The following VPS13C variants were observed in gnomAD, a reference collection of about 807,000 sequenced individuals.
The protein encoded by VPS13C is intermembrane lipid transfer protein VPS13C.
A neutral mutation model predicts 456.8 loss-of-function variants in VPS13C; 358 were observed. The ratio of observed to expected loss-of-function variants is 0.78; its 90% CI spans 0.72 to 0.86. The LOEUF (loss-of-function observed/expected upper bound fraction) is 0.86. Ranked by LOEUF, VPS13C falls within the 40% of genes least tolerant of loss-of-function variation. VPS13C has a pLI of 0.00. For synonymous variants in VPS13C, 1,578 were observed against 1,486.7 expected (o/e 1.06, Z -1.41); for missense variants, 4,818 against 4,385.4 (o/e 1.10, Z -2.79).
chr15:61,871,998 G>A lies in VPS13C; in HGVS notation c.10615C>T (p.Pro3539Ser). The stretch of plus-strand genomic sequence containing the variant: ...AATATTTTCAACATACCTTCCACAG[G>A]TTTTGTTATTATTCCAGTCACTCCA... ...VGGVTGIITK[P>S]VEGAKKEGAA... Residue 3539 changes from proline to serine, a missense_variant, in exon 79 of 85, where the codon CCT (proline) becomes TCT (serine). Coordinates refer to ENST00000644861, the MANE Select transcript of VPS13C (RefSeq NM_020821.3). The A allele has an allele frequency of 1.2e-6, 2 of 1,612,052 alleles. No homozygotes were observed. The highest frequency in any genetic ancestry group is 2.2e-5 in the South Asian group (2 of 90,954).
chr15:61,920,018 C>A, intron 57 of VPS13C, 49 bp downstream of exon 57: 1 of 1,416,856 alleles, frequency 7.1e-7, no homozygotes, highest in South Asian at 1.9e-5. Context: ...AAAATAAGCC[C>A]ACACCAACAA....
At chr15:61,995,447 G>C (rs1230982135) in intron 16 of VPS13C, among the ~76,000 whole-genome samples, 2 of 152,100 alleles carry the variant, frequency 1.3e-5, no homozygotes, top group African/African-American at 2.4e-5. Context: ...CTTGCAACTA[G>C]TTTCTAAACA....
intron 81 of VPS13C, chr15:61,865,553 A>C (rs530821138): frequency 3.7e-5 from 32 of 871,194 alleles, no homozygotes; most frequent in Non-Finnish European, 4.4e-5. Context: ...TGTATGTGTA[A>C]ATATGTGTAT....
rs548952594 is a variant in VPS13C, at chr15:61,858,692, C to T, written c.10953-2283G>A. Among the ~76,000 whole-genome samples, 4 of 152,218 alleles carry T rather than the reference C, an allele frequency of 2.6e-5. No individual in the cohort carries two copies. The highest frequency in any genetic ancestry group is 2.1e-4 in the South Asian group (1 of 4,814). The stretch of plus-strand genomic sequence containing the variant: ...CCTAAGTTCATGGACTATAAATCTG[C>T]GTAAGAGACCAAGAAGTCAGAGATT... On this transcript the variant is annotated intron_variant, in intron 82 of 84. Transcript: ENST00000644861. This position sits in a 1 kb window ranked among gnomAD's most constrained non-coding sequence, Gnocchi z 4.4.
intron 68 of VPS13C, 75 bp downstream of exon 68, chr15:61,884,053 G>A (rs939651511): frequency 4.7e-5 from 63 of 1,343,846 alleles, no homozygotes; most frequent in Non-Finnish European, 5.9e-5. Flanking sequence ...CTTTACTTGG[G>A]CATTACAATT....
At position 62,010,505 on chromosome 15, in the gene VPS13C, T is replaced by C; in HGVS notation, c.978A>G (p.Ile326Met). ...KTPKLDCNIE[I>M]QNIAIELTKP... ...TGGTCAGTTCAATGGCAATATTTTGTATTTCTATGTTGCAATCCAGTTTGG... is the reference window on the plus strand; with the variant it reads ...TGGTCAGTTCAATGGCAATATTTTGCATTTCTATGTTGCAATCCAGTTTGG... The change falls in exon 13 of 85, where the codon ATA becomes ATG. Residue 326 changes from isoleucine (I) to methionine (M), a missense_variant. Ile to Met is a conservative substitution (Grantham distance 10, BLOSUM62 1). Around this residue, in one of 3 missense-constraint regions of VPS13C, gnomAD observed 4,552 missense variants for 4,130.6 expected, o/e 1.10. Transcript: ENST00000644861. 6.2e-7 allele frequency: 1 copy of C among 1,613,336 alleles called. No homozygotes were observed. The highest frequency in any genetic ancestry group is 8.5e-7 in the Non-Finnish European group (1 of 1,179,694).
rs2140323020 is a variant in VPS13C, at chr15:61,962,738, C to T, written c.3435+11G>A. ...TTAAAGAATATTAACTATCTGTTTACAATCACCTACTTTCTTATGAACTGT... is the reference window on the plus strand; with the variant it reads ...TTAAAGAATATTAACTATCTGTTTATAATCACCTACTTTCTTATGAACTGT... On this transcript the variant is annotated intron_variant, in intron 33 of 84. Coordinates refer to ENST00000644861, the MANE Select transcript of VPS13C (RefSeq NM_020821.3). 3 of 1,556,582 alleles carry T rather than the reference C, an allele frequency of 1.9e-6. No individual in the cohort carries two copies. Among genetic ancestry groups the T allele is most frequent in the East Asian group, 2.3e-5 (1 of 44,058 alleles).
At chr15:62,057,850 C>T (rs1420065301) in intron 1 of VPS13C, among the ~76,000 whole-genome samples, 2 of 152,130 alleles carry the variant, frequency 1.3e-5, no homozygotes, top group African/African-American at 4.8e-5. Context: ...CATGGTAAAA[C>T]CATTATCAGA....
chr15:61,934,669 T>A (rs1381658104), intron 48 of VPS13C, among the ~76,000 whole-genome samples: 1 of 152,184 alleles, frequency 6.6e-6, no homozygotes, highest in African/African-American at 2.4e-5. Flanking sequence ...CTCAGAACAG[T>A]CCAATACTTT....
At chr15:61,990,133 A>G (rs1186780485) in intron 18 of VPS13C, among the ~76,000 whole-genome samples, 1 of 152,202 alleles carries the variant, frequency 6.6e-6, no homozygotes, top group Non-Finnish European at 1.5e-5. Flanking sequence ...CAGAAAATAT[A>G]TATTTTATAA....
chr15:62,001,544 G>C lies in VPS13C; in HGVS notation c.1291-918C>G, dbSNP rs187085442. Among the ~76,000 whole-genome samples the C allele has an allele frequency of 9.5e-4, 145 of 151,924 alleles. No individual in the cohort carries two copies. In the Middle Eastern group the frequency reaches 0.01, roughly 11 times the overall value. ...TTTTTTTATTATTAGTATACTTTAA[G>C]TTTTAGGGTACATGTGCACAACGTG... On this transcript the variant is annotated intron_variant, in intron 15 of 84. Coordinates refer to ENST00000644861, the MANE Select transcript of VPS13C (RefSeq NM_020821.3).
rs565864399 is a variant in VPS13C, at chr15:61,999,465, G to C, written c.1353+1099C>G. ...GGGGGCTTGGCGTCCCTAACGTTCA[G>C]TTTGTTCAAGGGTCAACTGTATATG... On this transcript the variant is annotated intron_variant, in intron 16 of 84. Transcript: ENST00000644861. 6.6e-5 allele frequency among the ~76,000 whole-genome samples: 10 copies of C among 151,992 alleles called. No homozygotes were observed. In the South Asian group the frequency reaches 2.1e-3, roughly 32 times the overall value.
chr15:61,938,749 A>G (rs2044314011), intron 47 of VPS13C, among the ~76,000 whole-genome samples: 1 of 152,190 alleles, frequency 6.6e-6, no homozygotes, highest in South Asian at 2.1e-4. Context: ...ACAAGCTGCA[A>G]TATTTCCTTC....
At chr15:61,888,932 G>C (rs1209436571) in intron 67 of VPS13C, among the ~76,000 whole-genome samples, 3 of 152,094 alleles carry the variant, frequency 2.0e-5, no homozygotes, top group African/African-American at 7.2e-5. Flanking sequence ...CCACACTACT[G>C]CAAGATGTTA....
intron 15 of VPS13C, among the ~76,000 whole-genome samples, chr15:62,005,870 T>C (rs992400128): frequency 1.3e-5 from 2 of 150,926 alleles, no homozygotes; most frequent in African/African-American, 4.9e-5. Context: ...GCCCAGCTAA[T>C]TTTTTGTATT....
Position 62,051,557 on chromosome 15 carries a change from A to T in VPS13C, c.101-7302T>A, listed in dbSNP as rs531410292. Among the ~76,000 whole-genome samples the T allele has an allele frequency of 9.6e-4, 146 of 152,346 alleles. 1 individual carries two copies. Among genetic ancestry groups the T allele is most frequent in the African/African-American group, 3.4e-3 (143 of 41,562 alleles). On this transcript the variant is annotated intron_variant, in intron 1 of 84. Transcript: ENST00000644861. The stretch of plus-strand genomic sequence containing the variant: ...TCCCGAATAGCAGAGCATAAAGCGT[A>T]TAGGATTTTAATTCAGAAGGTAATT...
Position 61,978,641 on chromosome 15 carries a change from G to A in VPS13C, c.2275C>T (p.Leu759Phe). 3 of 1,610,322 alleles carry A rather than the reference G, an allele frequency of 1.9e-6. No individual in the cohort carries two copies. The highest frequency in any genetic ancestry group is 2.5e-6 in the Non-Finnish European group (3 of 1,178,926). The change falls in exon 23 of 85, where the codon CTT becomes TTT. Residue 759 changes from leucine to phenylalanine, a missense_variant. Leu to Phe is a conservative substitution (Grantham distance 22). Transcript: ENST00000644861. The stretch of plus-strand genomic sequence containing the variant: ...AACGGTTTACCTGCTCTTGCAAAAA[G>A]TAGTTGTACATTTTTTATTTCAACA... ...FDVEIKNVQL[L>F]FARAEETWKK...
intron 81 of VPS13C, chr15:61,865,113 G>A: frequency 1.0e-6 from 1 of 984,688 alleles, no homozygotes; most frequent in Non-Finnish European, 1.2e-6. Context: ...ATGGCAGCAG[G>A]GAGACCAAAT....
At chr15:61,974,156 A>C (rs968749245) in intron 25 of VPS13C, 132 bp downstream of exon 25, 1 of 941,654 alleles carries the variant, frequency 1.1e-6, no homozygotes, top group African/African-American at 1.7e-5. Context: ...CACATTATAA[A>C]TTTGAAAGAC....
Sources: allele counts gnomAD v4.1 joint callset (sites outside exome capture counted in the v4.1 genomes callset), GRCh38; gene constraint gnomAD v4.1.1; regional missense constraint gnomAD v4.1.1; non-coding constraint Gnocchi (gnomAD v3.1); transcripts MANE v1.5; gene names NCBI Gene and HGNC (gene_info 2026-07-23, HGNC 2026-07-21).